CRB1: variants seen among roughly 807,000 people sequenced by gnomAD.
CRB1 encodes crumbs cell polarity complex component 1.
Under a neutral mutation model 120.0 loss-of-function variants are expected in CRB1, and 83 were observed. The ratio of observed to expected loss-of-function variants is 0.69; its 90% CI spans 0.58 to 0.83. CRB1 has a LOEUF of 0.83. Ranked by LOEUF, CRB1 falls within the 40% of genes least tolerant of loss-of-function variation. CRB1 has a pLI of 0.00. For synonymous variants in CRB1, 625 were observed against 612.5 expected (o/e 1.02, Z -0.30); for missense variants, 1,699 against 1,687.6 (o/e 1.01, Z -0.12).
chr1:197,301,901 G>C (rs1656884015), intron 1 of CRB1, among the ~76,000 whole-genome samples: 1 of 151,740 alleles, frequency 6.6e-6, no homozygotes, highest in Non-Finnish European at 1.5e-5. Flanking sequence ...AAAAAAAAAA[G>C]AATTTTGTGA....
In CRB1 at chr1:197,368,749, A is replaced by G. The variant is rs78433376; in HGVS notation, c.1171+11736A>G. On this transcript the variant is annotated intron_variant, in intron 5 of 11. Transcript: ENST00000367400. The stretch of plus-strand genomic sequence containing the variant: ...CACACAAGTAAGGGAAAAGCTCTCA[A>G]ATGAATAATCAGCAGACAGGTGCCA... Among the ~76,000 whole-genome samples the G allele has an allele frequency of 7.2e-4, 109 of 152,298 alleles. No homozygotes were observed. In the East Asian group the frequency reaches 0.02, roughly 28 times the overall value.
At chr1:197,210,846 A>G in the CRB1 span, among the ~76,000 whole-genome samples, 2 of 152,152 alleles carry the variant, frequency 1.3e-5, no homozygotes, top group South Asian at 4.1e-4. Context: ...TACACACTCT[A>G]GAATCTCTTT....
chr1:197,322,955 A>C (rs1205773593), intron 1 of CRB1, among the ~76,000 whole-genome samples: 1 of 152,142 alleles, frequency 6.6e-6, no homozygotes, highest in Non-Finnish European at 1.5e-5. Flanking sequence ...ACATTCCTGA[A>C]ACTCAATTCC....
At chr1:197,477,442 C>T (rs1667243311) in intron 11 of CRB1, 13 of 637,874 alleles carry the variant, frequency 2.0e-5, no homozygotes, top group Non-Finnish European at 3.8e-5. Flanking sequence ...GTATTTCATG[C>T]CATATTTTCT....
chr1:197,223,043 A>T, the CRB1 span: 1 of 787,664 alleles, frequency 1.3e-6, no homozygotes, highest in East Asian at 2.4e-5. Flanking sequence ...GAAGACAAGG[A>T]CTATCTTTGA....
At chr1:197,374,118 G>A (rs1408999845) in intron 5 of CRB1, among the ~76,000 whole-genome samples, 1 of 152,124 alleles carries the variant, frequency 6.6e-6, no homozygotes. Context: ...ATAGTCCTTT[G>A]CTGTAGTTCG....
chr1:197,333,208 G>A (rs1442279560), intron 2 of CRB1, among the ~76,000 whole-genome samples: 5 of 152,214 alleles, frequency 3.3e-5, no homozygotes, highest in African/African-American at 4.8e-5. Flanking sequence ...TTCACACTGC[G>A]TGAATTCTCC....
chr1:197,353,153 A>C lies in CRB1; in HGVS notation c.989-3678A>C, dbSNP rs1394079185. On this transcript the variant is annotated intron_variant, in intron 4 of 11. Transcript: ENST00000367400. ...AAAGAATTGGGTGGCATGAGAGAAAATAAGGGGATCTTATTTATATCTGCC... is the reference window on the plus strand; with the variant it reads ...AAAGAATTGGGTGGCATGAGAGAAACTAAGGGGATCTTATTTATATCTGCC... Among the ~76,000 whole-genome samples, 5 of 152,232 alleles carry C rather than the reference A, an allele frequency of 3.3e-5. No individual in the cohort carries two copies. In the South Asian group the frequency reaches 1.0e-3, roughly 32 times the overall value.
intron 3 of CRB1, among the ~76,000 whole-genome samples, chr1:197,345,668 T>C (rs1413935167): frequency 6.6e-6 from 1 of 151,766 alleles, no homozygotes; most frequent in African/African-American, 2.4e-5. Flanking sequence ...CCACCATGCC[T>C]GGCTAATTTT....
chr1:197,217,413 A>G, the CRB1 span, among the ~76,000 whole-genome samples: 1 of 152,192 alleles, frequency 6.6e-6, no homozygotes, highest in East Asian at 1.9e-4. Context: ...CAAATTGGAA[A>G]CAATGCAAAT....
rs192019842 is a variant in CRB1, at chr1:197,290,483, C to T, written c.70+22001C>T. ...TTTTTAGGCCTTCTTTTTCCCTGAA[C>T]AGCTCAGTTTCACATCCCCCCAGCT... is the stretch of plus-strand genomic sequence containing the variant. On this transcript the variant is annotated intron_variant, in intron 1 of 11. Coordinates refer to ENST00000367400, the MANE Select transcript of CRB1 (RefSeq NM_201253.3). Among the ~76,000 whole-genome samples the T allele has an allele frequency of 5.9e-5, 9 of 151,670 alleles. 1 individual carries two copies. The East Asian group carries it at 1.8e-3, about 30-fold the overall frequency.
At chr1:197,250,216 A>G in the CRB1 span, among the ~76,000 whole-genome samples, 1 of 151,976 alleles carries the variant, frequency 6.6e-6, no homozygotes, top group African/African-American at 2.4e-5. Flanking sequence ...TTGGAAATTT[A>G]TATTGATGTG....
At chr1:197,321,078 T>C (rs368351402) in intron 1 of CRB1, among the ~76,000 whole-genome samples, 11 of 152,318 alleles carry the variant, frequency 7.2e-5, no homozygotes, top group African/African-American at 2.6e-4. Context: ...TCGGAATTCA[T>C]TACGTAATCA....
chr1:197,277,576 G>T (rs1235490471), intron 1 of CRB1, among the ~76,000 whole-genome samples: 1 of 152,024 alleles, frequency 6.6e-6, no homozygotes, highest in East Asian at 1.9e-4. Flanking sequence ...ATCAGTTGCG[G>T]GTTTGCAGCA....
chr1:197,318,438 T>TTA (rs1309332681), intron 1 of CRB1, among the ~76,000 whole-genome samples: 2 of 152,134 alleles, frequency 1.3e-5, no homozygotes, highest in African/African-American at 4.8e-5. Context: ...TATTAATAGT[T>TTA]TAGAGTTTCC....
chr1:197,339,757 G>A (rs1659350440), intron 2 of CRB1, among the ~76,000 whole-genome samples: 1 of 152,180 alleles, frequency 6.6e-6, no homozygotes, highest in South Asian at 2.1e-4. Context: ...ATGCCAATTG[G>A]AGTGCAAAGT....
intron 11 of CRB1, among the ~76,000 whole-genome samples, chr1:197,460,276 C>G (rs1015752261): frequency 1.3e-5 from 2 of 151,948 alleles, no homozygotes; most frequent in Non-Finnish European, 2.9e-5. Context: ...AATTAAGGAA[C>G]TATATTTACT....
intron 5 of CRB1, among the ~76,000 whole-genome samples, chr1:197,419,771 G>T (rs1348228681): frequency 6.9e-6 from 1 of 145,858 alleles, no homozygotes; most frequent in Non-Finnish European, 1.5e-5. Context: ...TCAGGAGATC[G>T]AGACCATCCT....
rs1452970703 is a variant in CRB1 at position 197,268,424 on chromosome 1, G to C, written c.12G>C (p.Lys4Asn). 1 of 1,611,770 alleles carries C rather than the reference G, an allele frequency of 6.2e-7. No homozygotes were observed. The highest frequency in any genetic ancestry group is 1.7e-5 in the Admixed American group (1 of 59,996). The change falls in exon 1 of 12, where the codon AAG becomes AAC. Residue 4 changes from lysine to asparagine, a missense_variant. Lys to Asn is a moderately conservative substitution (Grantham distance 94). Transcript: ENST00000367400. MALKNINYLLIFYL... is the reference protein window; with the variant it reads MALNNINYLLIFYL... ...CTCTAAATAAGACCATGGCACTTAA[G>C]AACATTAACTACCTTCTCATCTTCT... is the stretch of plus-strand genomic sequence containing the variant.
Sources: allele counts gnomAD v4.1 joint callset (sites outside exome capture counted in the v4.1 genomes callset), GRCh38; gene constraint gnomAD v4.1.1; transcripts MANE v1.5; gene names NCBI Gene and HGNC (gene_info 2026-07-23, HGNC 2026-07-21).